The following ZNF75A variants were observed in gnomAD, a reference collection of about 807,000 sequenced individuals.
ZNF75A encodes the protein zinc finger protein 75A.
Under a neutral mutation model 46.3 loss-of-function variants are expected in ZNF75A, and 36 were observed. The observed-to-expected ratio is 0.78, with a 90% CI of 0.60 to 1.03. ZNF75A has a LOEUF of 1.03. Among genes scored for constraint, ZNF75A ranks in the 50% least tolerant of loss-of-function variants. The pLI is 0.00. For missense variants in ZNF75A, 595 were observed against 551.3 expected (o/e 1.08, Z -0.79); for synonymous variants, 234 against 189.9 (o/e 1.23, Z -1.91).
intron 2 of ZNF75A, chr16:3,310,658 A>G (rs1960697132): frequency 3.7e-5 from 36 of 985,550 alleles, no homozygotes; most frequent in Non-Finnish European, 4.3e-5. Context: ...AAAAACAACT[A>G]GGGGAAGACT....
chr16:3,320,253 C>T (rs1326314935), downstream of ZNF75A, among the ~76,000 whole-genome samples: 1 of 152,142 alleles, frequency 6.6e-6, no homozygotes, highest in Admixed American at 6.5e-5. Flanking sequence ...ACCTTGTTAG[C>T]CAGGATGGTC....
At chr16:3,314,151 G>A (rs552651311) in intron 5 of ZNF75A, among the ~76,000 whole-genome samples, 2 of 152,100 alleles carry the variant, frequency 1.3e-5, no homozygotes, top group South Asian at 4.2e-4. Context: ...GTAGACACTT[G>A]GTTCTAATTT....
intron 2 of ZNF75A, among the ~76,000 whole-genome samples, chr16:3,311,152 G>T (rs915136023): frequency 6.6e-6 from 1 of 152,034 alleles, no homozygotes; most frequent in South Asian, 2.1e-4. Flanking sequence ...TGAGTGGCCT[G>T]CCTGGCTGGG....
Position 3,312,715 on chromosome 16 carries a change from A to G in ZNF75A, c.643A>G (p.Thr215Ala), listed in dbSNP as rs1040720607. The change falls in exon 4 of 7, where the codon ACA (threonine) becomes GCA (alanine). Residue 215 changes from threonine to alanine, a missense_variant. Physicochemically the swap from Thr to Ala is moderately conservative, Grantham distance 58. Transcript: ENST00000669516. ...TQQILAFPEQ[T>A]NTKDWTVTPE... ...ACAGATTCTAGCTTTTCCTGAGCAAACAAACACCAAAGACTGGACAGTGAC... is the reference window on the plus strand; with the variant it reads ...ACAGATTCTAGCTTTTCCTGAGCAAGCAAACACCAAAGACTGGACAGTGAC... 2.2e-5 allele frequency: 22 copies of G among 1,021,550 alleles called. No individual in the cohort carries two copies. The East Asian group carries it at 1.8e-3, about 84-fold the overall frequency. The allele number at this position is 1,021,550 out of a possible 1,614,324, so 63.3% of individuals were successfully genotyped here. A position where few individuals can be genotyped will look rare whatever the true frequency, so the allele number is the denominator to read the frequency against.
chr16:3,318,206 T>A lies in ZNF75A; in HGVS notation c.*337T>A. On this transcript the variant is annotated 3_prime_UTR_variant, in exon 7 of 7. Transcript: ENST00000669516. ...TCTTCACAGTAGCAGGCTTACCAAT[T>A]TCCATAGTCTCATGAGGCCGAAATG... 1 of 1,025,200 alleles carries A rather than the reference T, an allele frequency of 9.8e-7. No homozygotes were observed. Among genetic ancestry groups the A allele is most frequent in the Non-Finnish European group, 1.2e-6 (1 of 856,420 alleles). 63.5% of individuals were successfully genotyped at this position (1,025,200 alleles called of 1,614,324 possible).
At chr16:3,311,450 A>G (rs1450284203) in intron 2 of ZNF75A, among the ~76,000 whole-genome samples, 2 of 151,994 alleles carry the variant, frequency 1.3e-5, no homozygotes, top group East Asian at 3.9e-4. Context: ...AAAAAAAAAA[A>G]AAAATGAGTG....
rs538115120 is a variant in ZNF75A at position 3,315,049 on chromosome 16, C to T, written c.824-1863C>T. 3.6e-5 allele frequency: 35 copies of T among 985,222 alleles called. No individual in the cohort carries two copies. The East Asian group carries it at 1.1e-3, about 32-fold the overall frequency. 61.0% of individuals were successfully genotyped at this position (985,222 alleles called of 1,614,324 possible). On this transcript the variant is annotated intron_variant, in intron 5 of 6. Transcript: ENST00000669516. ...CACCTGGGGAGCTTTTCCAGATGTACGTGCTCATTCCTTGTCCTACGTGGA... is the reference window on the plus strand; with the variant it reads ...CACCTGGGGAGCTTTTCCAGATGTATGTGCTCATTCCTTGTCCTACGTGGA...
At position 3,311,909 on chromosome 16, in the gene ZNF75A, A is replaced by T; in HGVS notation, c.565A>T (p.Arg189Trp). ...CGAGGGTCTGCAAGAACAGCTCAGC[A>T]GGAATACTCATAAAGAGACTGAGCC... ...TYEGLQEQLS[R>W]NTHKETEPVY... The change falls in exon 3 of 7, where the codon AGG becomes TGG. Residue 189 changes from arginine (R) to tryptophan (W), a missense_variant. By Grantham distance (101) the Arg-to-Trp change is moderately radical (BLOSUM62 -3). Transcript: ENST00000669516. 4 of 989,954 alleles carry T rather than the reference A, an allele frequency of 4.0e-6. No homozygotes were observed. The highest frequency in any genetic ancestry group is 4.8e-6 in the Non-Finnish European group (4 of 831,694). The allele number at this position is 989,954 out of a possible 1,614,324, so 61.3% of individuals were successfully genotyped here.
At position 3,312,699 on chromosome 16, in the gene ZNF75A, A is replaced by G; in HGVS notation, c.627A>G (p.Leu209=). 1 of 1,018,270 alleles carries G rather than the reference A, an allele frequency of 9.8e-7. No homozygotes were observed. The highest frequency in any genetic ancestry group is 1.2e-6 in the Non-Finnish European group (1 of 849,746). 63.1% of individuals were successfully genotyped at this position (1,018,270 alleles called of 1,614,324 possible). A position where few individuals can be genotyped will look rare whatever the true frequency, so the allele number is the denominator to read the frequency against. Residue 209 remains leucine (L), a synonymous_variant, in exon 4 of 7, where the codon CTA becomes CTG. Coordinates refer to ENST00000669516, the MANE Select transcript of ZNF75A (RefSeq NM_001302109.2). ...YERAVPTQQI[L]AFPEQTNTKD... is the part of the protein sequence containing the mutation. ...CAGCTGTGCCTACTCAACAGATTCT[A>G]GCTTTTCCTGAGCAAACAAACACCA...
intron 2 of ZNF75A, chr16:3,310,891 G>A: frequency 1.0e-6 from 1 of 985,440 alleles, no homozygotes; most frequent in Non-Finnish European, 1.2e-6. Context: ...CTGACCTCGG[G>A]TCTGCTGGGA....
chr16:3,319,797 A>ATT (rs550277242), downstream of ZNF75A, among the ~76,000 whole-genome samples: 87 of 133,394 alleles, frequency 6.5e-4, no homozygotes, highest in East Asian at 1.0e-3. Flanking sequence ...TTTTTTTTTT[A>ATT]TTTTTTTTTT....
At chr16:3,311,652 C>CT (rs1352990351) in intron 2 of ZNF75A, 101 bp from the exon 3 acceptor site, 1 of 527,388 alleles carries the variant, frequency 1.9e-6, no homozygotes, top group Non-Finnish European at 2.4e-6. Flanking sequence ...TTTTTAGTGT[C>CT]TTATACTACC....
rs1596402739 is a variant in ZNF75A at position 3,317,751 on chromosome 16, C to G, written c.1496C>G (p.Ser499Cys). Reference protein sequence around the residue: ...HECGKKFSQNSHLIKHRRTHT... With the variant: ...HECGKKFSQNCHLIKHRRTHT... ...TGTGGAAAAAAATTCAGTCAGAACT[C>G]CCACCTTATTAAACACCGGAGAACC... is the stretch of plus-strand genomic sequence containing the variant. The change falls in exon 7 of 7, where the codon TCC becomes TGC. Residue 499 changes from serine to cysteine, a missense_variant. By Grantham distance (112) the Ser-to-Cys change is moderately radical. Transcript: ENST00000669516. 1.1e-5 allele frequency: 17 copies of G among 1,614,176 alleles called. No individual in the cohort carries two copies. The highest frequency in any genetic ancestry group is 1.4e-5 in the Non-Finnish European group (16 of 1,180,028).
chr16:3,310,895 G>C (rs1195599891), intron 2 of ZNF75A: 4 of 985,340 alleles, frequency 4.1e-6, no homozygotes, highest in African/African-American at 1.7e-5. Context: ...CCTCGGGTCT[G>C]CTGGGAAGAA....
Position 3,316,957 on chromosome 16 carries a change from A to G in ZNF75A, c.869A>G (p.Gln290Arg). 6.2e-7 allele frequency: 1 copy of G among 1,614,086 alleles called. No individual in the cohort carries two copies. The highest frequency in any genetic ancestry group is 8.5e-7 in the Non-Finnish European group (1 of 1,179,994). ...CCTAAAGTGATCTCCTGTCTAGAGC[A>G]AGGGGAAGAGCCATGGGTTCAAGTA... ...PKPKVISCLE[Q>R]GEEPWVQVSP... The change falls in exon 6 of 7, where the codon CAA (glutamine) becomes CGA (arginine). Residue 290 changes from glutamine (Q) to arginine (R), a missense_variant. Gln to Arg is a conservative substitution (Grantham distance 43). Coordinates refer to ENST00000669516, the MANE Select transcript of ZNF75A (RefSeq NM_001302109.2).
At chr16:3,320,035 T>G (rs1336594569), downstream of ZNF75A, among the ~76,000 whole-genome samples, 1 of 151,544 alleles carries the variant, frequency 6.6e-6, no homozygotes, top group Non-Finnish European at 1.5e-5. Flanking sequence ...TTCTGTAGCA[T>G]AACCTGCCCT....
At chr16:3,306,110 C>G (rs957910118) in intron 1 of ZNF75A, 2 of 152,222 alleles carry the variant, frequency 1.3e-5, no homozygotes, top group African/African-American at 4.8e-5. Context: ...CTGGCCACTT[C>G]TTTGAATACC....
chr16:3,319,375 A>G (rs1329397374), downstream of ZNF75A, among the ~76,000 whole-genome samples: 1 of 152,128 alleles, frequency 6.6e-6, no homozygotes, highest in Non-Finnish European at 1.5e-5. Flanking sequence ...TCGGCCTCCC[A>G]AAGTGCTGGG....
At chr16:3,306,064 C>G (rs750647283) in intron 1 of ZNF75A, 3 of 152,234 alleles carry the variant, frequency 2.0e-5, no homozygotes, top group Non-Finnish European at 2.9e-5. Flanking sequence ...TAGGAAGTGT[C>G]TCTTTGCTTC....
Sources: gnomAD v4.1 joint callset for allele counts (sites outside exome capture counted in the v4.1 genomes callset) on GRCh38, gnomAD v4.1.1 for gene constraint, MANE v1.5 for transcripts, NCBI Gene and HGNC (gene_info 2026-07-23, HGNC 2026-07-21) for gene names.